Variants in SRBD1 observed in about 807,000 individuals in gnomAD.
SRBD1 encodes the protein S1 RNA binding domain 1.
Under a neutral mutation model 115.3 loss-of-function variants are expected in SRBD1, and 88 were observed. That is an observed-to-expected ratio of 0.76 (90% CI 0.64 to 0.91). The LOEUF (loss-of-function observed/expected upper bound fraction) is 0.91. Ranked by LOEUF, SRBD1 falls within the 40% of genes least tolerant of loss-of-function variation. SRBD1 has a pLI of 0.00. For synonymous variants in SRBD1, 509 were observed against 407.7 expected (o/e 1.25, Z -2.99); for missense variants, 1,385 against 1,177.4 (o/e 1.18, Z -2.58).
At chr2:45,422,403 G>A (rs995870851) in intron 16 of SRBD1, among the ~76,000 whole-genome samples, 1 of 152,092 alleles carries the variant, frequency 6.6e-6, no homozygotes, top group African/African-American at 2.4e-5. Context: ...ATGGTGACTG[G>A]TTAAAATCCA....
Position 45,502,819 on chromosome 2 carries a change from A to C in SRBD1, c.1875-14488T>G, listed in dbSNP as rs539479321. Among the ~76,000 whole-genome samples, 169 of 151,858 alleles carry C rather than the reference A, an allele frequency of 1.1e-3. 1 individual carries two copies. Among genetic ancestry groups the C allele is most frequent in the Non-Finnish European group, 1.9e-3 (127 of 67,948 alleles). ...ATTGTGGACATGTACCCTAGAACTT[A>C]AAGTATAATAAATTAAAAAAAAAAA... On this transcript the variant is annotated intron_variant, in intron 14 of 20. Coordinates refer to ENST00000263736, the MANE Select transcript of SRBD1 (RefSeq NM_018079.5).
At chr2:45,455,512 G>C (rs763189608) in intron 16 of SRBD1, among the ~76,000 whole-genome samples, 1 of 151,706 alleles carries the variant, frequency 6.6e-6, no homozygotes, top group Non-Finnish European at 1.5e-5. Flanking sequence ...TGCGTAACTT[G>C]ACATGTGTAA....
intron 7 of SRBD1, among the ~76,000 whole-genome samples, chr2:45,577,400 GC>G (rs779396984): frequency 6.6e-6 from 1 of 152,142 alleles, no homozygotes; most frequent in Non-Finnish European, 1.5e-5. Context: ...CATATCCTTT[GC>G]CTTACAATGA....
At chr2:45,545,733 T>G (rs1558468431) in intron 14 of SRBD1, among the ~76,000 whole-genome samples, 1 of 152,236 alleles carries the variant, frequency 6.6e-6, no homozygotes, top group South Asian at 2.1e-4. Context: ...TCTTGAATCA[T>G]GATCCCATGG....
intron 5 of SRBD1, among the ~76,000 whole-genome samples, chr2:45,583,990 C>G (rs779099290): frequency 2.0e-5 from 3 of 152,142 alleles, no homozygotes; most frequent in Non-Finnish European, 4.4e-5. Context: ...TATTGTTAGA[C>G]TACCCTTTAA....
chr2:45,588,256 A>G (rs1182540511), intron 4 of SRBD1, among the ~76,000 whole-genome samples: 2 of 152,116 alleles, frequency 1.3e-5, no homozygotes, highest in African/African-American at 2.4e-5. Context: ...CATGACCCAA[A>G]AGAAAGCAGC....
At chr2:45,591,770 T>C (rs563183313) in intron 4 of SRBD1, among the ~76,000 whole-genome samples, 2 of 152,280 alleles carry the variant, frequency 1.3e-5, no homozygotes, top group African/African-American at 4.8e-5. Flanking sequence ...AAGTGATAAA[T>C]TGGCAGCCAG....
rs1022170328 is a variant in SRBD1 at position 45,581,581 on chromosome 2, T to C, written c.933+112A>G. On this transcript the variant is annotated intron_variant, in intron 6 of 20. Coordinates refer to ENST00000263736, the MANE Select transcript of SRBD1 (RefSeq NM_018079.5). ...AGAATAAATATTTTGTTGCATTAAA[T>C]AATGGTGGCTAATGACGTTAGCTTT... 1.3e-5 allele frequency: 9 copies of C among 716,140 alleles called. No individual in the cohort carries two copies. In the African/African-American group the frequency reaches 1.6e-4, roughly 13 times the overall value. The allele number at this position is 716,140 out of a possible 1,614,324, so 44.4% of individuals were successfully genotyped here. A position where few individuals can be genotyped will look rare whatever the true frequency, so the allele number is the denominator to read the frequency against.
At chr2:45,593,650 G>C (rs1308798370) in intron 4 of SRBD1, among the ~76,000 whole-genome samples, 9 of 152,162 alleles carry the variant, frequency 5.9e-5, no homozygotes, top group African/African-American at 1.9e-4. Flanking sequence ...GAACATCTAA[G>C]TTAAATGACT....
chr2:45,427,276 G>A (rs1344947590), intron 16 of SRBD1, among the ~76,000 whole-genome samples: 1 of 151,976 alleles, frequency 6.6e-6, no homozygotes, highest in Non-Finnish European at 1.5e-5. Flanking sequence ...TGGAAGAAAG[G>A]ATATTAACCT....
intron 16 of SRBD1, among the ~76,000 whole-genome samples, chr2:45,432,892 C>T (rs953104090): frequency 5.9e-5 from 9 of 152,260 alleles, no homozygotes; most frequent in Middle Eastern, 3.4e-3. Context: ...TATTACTCTA[C>T]CACAAACTTC....
intron 14 of SRBD1, among the ~76,000 whole-genome samples, chr2:45,524,661 A>C (rs953684508): frequency 2.6e-5 from 4 of 152,094 alleles, no homozygotes; most frequent in African/African-American, 9.6e-5. Context: ...AAATAAGTGG[A>C]AAGACATCAA....
At chr2:45,597,667 G>A (rs1315464566) in intron 4 of SRBD1, among the ~76,000 whole-genome samples, 1 of 152,054 alleles carries the variant, frequency 6.6e-6, no homozygotes, top group Non-Finnish European at 1.5e-5. Context: ...TCCAATTTCT[G>A]GTTCAAGTCC....
At chr2:45,608,259 G>C (rs6731971) in intron 1 of SRBD1, among the ~76,000 whole-genome samples, 7 of 152,102 alleles carry the variant, frequency 4.6e-5, no homozygotes, top group Non-Finnish European at 7.4e-5. Flanking sequence ...AAAGATGAGT[G>C]AGTTGTAATA....
chr2:45,537,045 CT>C (rs1558462167), intron 14 of SRBD1, among the ~76,000 whole-genome samples: 1 of 152,132 alleles, frequency 6.6e-6, no homozygotes, highest in Non-Finnish European at 1.5e-5. Context: ...TTCTATTTAA[CT>C]TTTTAAAAAT....
chr2:45,412,934 G>C (rs1018511617), intron 19 of SRBD1, among the ~76,000 whole-genome samples, 180 bp downstream of exon 19: 1 of 152,108 alleles, frequency 6.6e-6, no homozygotes, highest in Non-Finnish European at 1.5e-5. Context: ...AGGAGTAATG[G>C]TTTCATTCCT....
At chr2:45,519,323 C>A (rs1671212930) in intron 14 of SRBD1, among the ~76,000 whole-genome samples, 1 of 152,152 alleles carries the variant, frequency 6.6e-6, no homozygotes, top group South Asian at 2.1e-4. Context: ...ACTGGCCTCA[C>A]TACCACCTCA....
chr2:45,546,815 A>G lies in SRBD1; in HGVS notation c.1791T>C (p.Asn597=). ...NFNCSTVVIG[N]GTACRETEAY... Reference sequence around the variant, plus strand: ...CTTCTGTTTCCCTGCAGGCAGTTCCATTTCCAATCACTACTGTGCTGCAGC... The same window carrying G: ...CTTCTGTTTCCCTGCAGGCAGTTCCGTTTCCAATCACTACTGTGCTGCAGC... The change falls in exon 14 of 21, where the codon AAT becomes AAC. Residue 597 remains asparagine (N), a synonymous_variant. Transcript: ENST00000263736. 1.2e-6 allele frequency: 2 copies of G among 1,614,136 alleles called. No individual in the cohort carries two copies. The highest frequency in any genetic ancestry group is 8.5e-7 in the Non-Finnish European group (1 of 1,179,994).
intron 16 of SRBD1, among the ~76,000 whole-genome samples, chr2:45,439,059 C>A (rs752707656): frequency 6.6e-6 from 1 of 151,868 alleles, no homozygotes; most frequent in East Asian, 1.9e-4. Flanking sequence ...ACAACAGAGG[C>A]CAGGAGACAA....
Sources: gnomAD v4.1 joint callset for allele counts (sites outside exome capture counted in the v4.1 genomes callset) on GRCh38, gnomAD v4.1.1 for gene constraint, MANE v1.5 for transcripts, NCBI Gene and HGNC (gene_info 2026-07-23, HGNC 2026-07-21) for gene names.